Variants in BCR observed in about 807,000 individuals in gnomAD.
The protein encoded by BCR is BCR activator of RhoGEF and GTPase.
A neutral mutation model predicts 138.6 loss-of-function variants in BCR; 58 were observed. The observed-to-expected ratio is 0.42, with a 90% CI of 0.34 to 0.52. BCR has a LOEUF of 0.52. Among genes scored for constraint, BCR ranks in the 20% least tolerant of loss-of-function variants. The probability of loss-of-function intolerance (pLI) is 0.06; values close to 1 mark genes in which losing one functional copy is unlikely to be tolerated. For missense variants in BCR, 1,599 were observed against 1,727.2 expected (o/e 0.93, Z 1.32); for synonymous variants, 786 against 730.1 (o/e 1.08, Z -1.23).
chr22:23,240,174 G>C (rs1197423400), intron 1 of BCR, among the ~76,000 whole-genome samples: 1 of 151,914 alleles, frequency 6.6e-6, no homozygotes, highest in Non-Finnish European at 1.5e-5. Context: ...ATTTTAACTT[G>C]GTAAAGACCC....
rs1393087873 is a variant in BCR, at chr22:23,181,516, C to T, written c.556C>T (p.Arg186Cys). 3.1e-6 allele frequency: 5 copies of T among 1,612,658 alleles called. No individual in the cohort carries two copies. The highest frequency in any genetic ancestry group is 1.1e-5 in the South Asian group (1 of 91,080). The change falls in exon 1 of 23, where the codon CGC becomes TGC. Residue 186 changes from arginine to cysteine, a missense_variant. Around this residue, in one of 4 missense-constraint regions of BCR, gnomAD observed 806 missense variants for 635.0 expected, o/e 1.27. Coordinates refer to ENST00000305877, the MANE Select transcript of BCR (RefSeq NM_004327.4). ...FYVNVEFHHE[R>C]GLVKVNDKEV... is the part of the protein sequence containing the mutation. ...CGTGAACGTCGAGTTTCACCACGAG[C>T]GCGGCCTGGTGAAGGTCAACGACAA...
Position 23,181,002 on chromosome 22 carries a change from G to C in BCR, c.42G>C (p.Gln14His), listed in dbSNP as rs1400026146. ...GCTTCGCGGAGGCGTGGAAGGCGCAGTTCCCGGACTCAGAGCCCCCGCGCA... is the reference window on the plus strand; with the variant it reads ...GCTTCGCGGAGGCGTGGAAGGCGCACTTCCCGGACTCAGAGCCCCCGCGCA... The part of the protein sequence containing the change: ...PVGFAEAWKA[Q>H]FPDSEPPRME... Residue 14 changes from glutamine to histidine, a missense_variant, in exon 1 of 23, where the codon CAG becomes CAC. Gln to His is a conservative substitution (Grantham distance 24, BLOSUM62 0). Around this residue, in one of 4 missense-constraint regions of BCR, gnomAD observed 806 missense variants for 635.0 expected, o/e 1.27. Coordinates refer to ENST00000305877, the MANE Select transcript of BCR (RefSeq NM_004327.4). 1 of 1,478,130 alleles carries C rather than the reference G, an allele frequency of 6.8e-7. No individual in the cohort carries two copies. The highest frequency in any genetic ancestry group is 1.3e-5 in the South Asian group (1 of 75,634). The allele number at this position is 1,478,130 out of a possible 1,614,324, so 91.6% of individuals were successfully genotyped here.
In BCR at chr22:23,276,723, G is replaced by A. The variant is rs116525454; in HGVS notation, c.2115+2949G>A. On this transcript the variant is annotated intron_variant, in intron 8 of 22. Coordinates refer to ENST00000305877, the MANE Select transcript of BCR (RefSeq NM_004327.4). ...GGGGCAGATGCTGCTGATCAGTTGG[G>A]CACTCCAAGCCTGGACATCCACCTC... 2.2e-3 allele frequency among the ~76,000 whole-genome samples: 335 copies of A among 152,340 alleles called. 4 individuals carry two copies. The highest frequency in any genetic ancestry group is 7.7e-3 in the African/African-American group (319 of 41,568).
chr22:23,264,348 CA>C, intron 4 of BCR: 1 of 973,822 alleles, frequency 1.0e-6, no homozygotes, highest in Non-Finnish European at 1.7e-6. Context: ...CCTGGATATT[CA>C]AAACCCGTGA....
chr22:23,191,473 C>T (rs1477567518), intron 1 of BCR, among the ~76,000 whole-genome samples: 1 of 151,440 alleles, frequency 6.6e-6, no homozygotes, highest in Non-Finnish European at 1.5e-5. Flanking sequence ...ACAAACAAAA[C>T]CTTTCTAATG....
intron 15 of BCR, among the ~76,000 whole-genome samples, chr22:23,292,924 G>A (rs1332583621): frequency 6.6e-6 from 1 of 152,202 alleles, no homozygotes; most frequent in Non-Finnish European, 1.5e-5. Flanking sequence ...CTTTGTTAGC[G>A]CTTATGTTTA....
At chr22:23,190,778 C>T (rs967961153) in intron 1 of BCR, among the ~76,000 whole-genome samples, 3 of 152,000 alleles carry the variant, frequency 2.0e-5, no homozygotes, top group Non-Finnish European at 4.4e-5. Flanking sequence ...CCTAGAGGGG[C>T]CTAGAGGACA....
intron 1 of BCR, among the ~76,000 whole-genome samples, chr22:23,219,649 G>T (rs904025662): frequency 3.3e-4 from 50 of 152,318 alleles, no homozygotes; most frequent in Middle Eastern, 3.4e-3. Context: ...GGCGGTGCGG[G>T]AGCACAGCTC....
chr22:23,292,517 C>A, intron 14 of BCR, 24 bp from the exon 15 acceptor site: 2 of 1,564,348 alleles, frequency 1.3e-6, no homozygotes, highest in Non-Finnish European at 1.8e-6. Context: ...CTGTGACCTT[C>A]TCCATGTCCA....
At chr22:23,273,005 C>A in intron 6 of BCR, 76 bp from the exon 7 acceptor site, 2 of 1,531,830 alleles carry the variant, frequency 1.3e-6, no homozygotes, top group Non-Finnish European at 1.8e-6. Flanking sequence ...CCCACTCACC[C>A]TTGCACCGAG....
chr22:23,314,544 C>T lies in BCR; in HGVS notation c.3564-8C>T, dbSNP rs1295106971. 1.3e-5 allele frequency: 21 copies of T among 1,611,838 alleles called. No homozygotes were observed. Among genetic ancestry groups the T allele is most frequent in the Admixed American group, 1.7e-5 (1 of 59,996 alleles). Reference sequence around the variant, plus strand: ...TGAAACAGCACCCGCTGCTTTGGTCCTCTACAGGGTGGCAGAGAAGGAGGC... The same window carrying T: ...TGAAACAGCACCCGCTGCTTTGGTCTTCTACAGGGTGGCAGAGAAGGAGGC... On this transcript the variant is annotated splice_polypyrimidine_tract_variant and splice_region_variant and intron_variant, in intron 21 of 22. Coordinates refer to ENST00000305877, the MANE Select transcript of BCR (RefSeq NM_004327.4).
chr22:23,312,249 A>G (rs5759698), intron 19 of BCR: 16,597 of 203,878 alleles, frequency 0.081, 753 homozygotes, highest in East Asian at 0.15. Flanking sequence ...ACAGGCTATG[A>G]AGGACCTGGA....
Position 23,313,978 on chromosome 22 carries a change from C to T in BCR, c.3468C>T (p.Asp1156=), listed in dbSNP as rs370401626. The T allele has an allele frequency of 5.6e-6, 9 of 1,613,810 alleles. No individual in the cohort carries two copies. The Admixed American group carries it at 1.3e-4, about 24-fold the overall frequency. ...CACCGCCTTCTGCAGCTCTTTCAGA[C>T]CCGGTTGCAAAGGAGAGCTGCATGC... ...PNFAEGIALS[D]PVAKESCMLN... is the part of the protein sequence containing the mutation. Residue 1156 remains aspartate (D), a synonymous_variant, in exon 21 of 23, where the codon GAC becomes GAT. Transcript: ENST00000305877.
intron 1 of BCR, among the ~76,000 whole-genome samples, chr22:23,247,095 C>T (rs1271532239): frequency 6.6e-6 from 1 of 152,140 alleles, no homozygotes. Flanking sequence ...ACAATCCCTC[C>T]AAAAGACGTG....
intron 16 of BCR, among the ~76,000 whole-genome samples, chr22:23,308,593 C>T (rs978725360): frequency 2.0e-5 from 3 of 152,230 alleles, no homozygotes; most frequent in Non-Finnish European, 4.4e-5. Flanking sequence ...GCGTGAGCCA[C>T]CGCACCTGGC....
At position 23,260,999 on chromosome 22, in the gene BCR, C is replaced by T. The variant is rs538787836; in HGVS notation, c.1511C>T (p.Ser504Leu). 20 of 1,613,882 alleles carry T rather than the reference C, an allele frequency of 1.2e-5. No homozygotes were observed. The highest frequency in any genetic ancestry group is 2.2e-5 in the South Asian group (2 of 91,058). Reference protein sequence around the residue: ...KGLEMRKWVLSGILASEETYL... With the variant: ...KGLEMRKWVLLGILASEETYL... ...TTGGAGATGAGAAAATGGGTCCTGT[C>T]GGGAATCCTGGCTAGCGAGGAGACT... The change falls in exon 3 of 23, where the codon TCG becomes TTG. Residue 504 changes from serine (S) to leucine (L), a missense_variant. This residue lies in a region of BCR where 590 missense variants were observed against 762.4 expected (regional missense o/e 0.77). Coordinates refer to ENST00000305877, the MANE Select transcript of BCR (RefSeq NM_004327.4).
chr22:23,255,101 C>G (rs996437824), intron 2 of BCR, among the ~76,000 whole-genome samples: 2 of 152,174 alleles, frequency 1.3e-5, no homozygotes, highest in African/African-American at 4.8e-5. Context: ...TGTAAGGAAG[C>G]TCCAGAAGTG....
intron 1 of BCR, chr22:23,242,907 G>T (rs1031673950): frequency 2.2e-6 from 1 of 455,548 alleles, no homozygotes; most frequent in African/African-American, 2.0e-5. Context: ...TCTGTTCCCA[G>T]CATCTGATGG....
In BCR at chr22:23,266,399, T is replaced by C. The variant is rs549915591; in HGVS notation, c.1753-2009T>C. The stretch of plus-strand genomic sequence containing the variant: ...CCACCGCACCCTGCCTTTTTTTTTT[T>C]CCCTTTTGGAGATGGAGTCTCGCTC... On this transcript the variant is annotated intron_variant, in intron 4 of 22. Coordinates refer to ENST00000305877, the MANE Select transcript of BCR (RefSeq NM_004327.4). Among the ~76,000 whole-genome samples, 362 of 151,230 alleles carry C rather than the reference T, an allele frequency of 2.4e-3. 1 individual carries two copies. The highest frequency in any genetic ancestry group is 8.2e-3 in the African/African-American group (339 of 41,158).
Sources: allele counts gnomAD v4.1 joint callset (sites outside exome capture counted in the v4.1 genomes callset), GRCh38; gene constraint gnomAD v4.1.1; regional missense constraint gnomAD v4.1.1; transcripts MANE v1.5; gene names NCBI Gene and HGNC (gene_info 2026-07-23, HGNC 2026-07-21).